The following TNKS variants were observed in gnomAD, a reference collection of about 807,000 sequenced individuals.
TNKS encodes poly [ADP-ribose] polymerase tankyrase-1.
Under a neutral mutation model 135.8 loss-of-function variants are expected in TNKS, and 72 were observed. That is an observed-to-expected ratio of 0.53 (90% CI 0.44 to 0.64). TNKS has a LOEUF of 0.64. Among genes scored for constraint, TNKS ranks in the 30% least tolerant of loss-of-function variants. The pLI is 0.00. For missense variants in TNKS, 1,769 were observed against 1,674.0 expected (o/e 1.06, Z -0.99); for synonymous variants, 849 against 649.3 (o/e 1.31, Z -4.68).
chr8:9,645,094 T>C (rs1013319353), intron 3 of TNKS, among the ~76,000 whole-genome samples: 8 of 152,076 alleles, frequency 5.3e-5, no homozygotes, highest in African/African-American at 1.9e-4. Flanking sequence ...TTGCAGAAAG[T>C]TGGATGTCAC....
Position 9,734,957 on chromosome 8 carries a change from A to G in TNKS, c.2406A>G (p.Arg802=), listed in dbSNP as rs2128819380. The G allele has an allele frequency of 6.2e-7, 1 of 1,614,194 alleles. No homozygotes were observed. Among genetic ancestry groups the G allele is most frequent in the Middle Eastern group, 1.6e-4 (1 of 6,062 alleles). Residue 802 remains arginine, a synonymous_variant, in exon 16 of 27, where the codon AGA becomes AGG. Coordinates refer to ENST00000310430, the MANE Select transcript of TNKS (RefSeq NM_003747.3). ...EGDTDIQDLL[R]GDAALLDAAK... is the part of the protein sequence containing the mutation. ...ACACAGATATTCAGGACTTACTGAG[A>G]GGGGATGCTGCTTTGTTGGATGCTG...
At chr8:9,583,506 T>C (rs185017701) in intron 2 of TNKS, among the ~76,000 whole-genome samples, 1 of 152,088 alleles carries the variant, frequency 6.6e-6, no homozygotes, top group Non-Finnish European at 1.5e-5. Flanking sequence ...TTTTCCTTTT[T>C]TGAGACAGAG....
chr8:9,677,932 C>T (rs1464641851), intron 3 of TNKS, among the ~76,000 whole-genome samples: 7 of 152,102 alleles, frequency 4.6e-5, no homozygotes, highest in Middle Eastern at 3.2e-3. Context: ...ATTACTTGTC[C>T]TTCCTTCAAA....
chr8:9,740,447 C>A (rs144619212), intron 17 of TNKS, among the ~76,000 whole-genome samples: 2 of 152,166 alleles, frequency 1.3e-5, no homozygotes, highest in African/African-American at 4.8e-5. Flanking sequence ...CTCCCTGGCC[C>A]TTTGTAATGA....
intron 1 of TNKS, among the ~76,000 whole-genome samples, chr8:9,572,554 C>G (rs1042499650): frequency 2.6e-5 from 4 of 152,084 alleles, no homozygotes; most frequent in African/African-American, 9.7e-5. Flanking sequence ...TTCCTAGTTT[C>G]GGGACTATCA....
chr8:9,647,270 AT>A (rs1490391638), intron 3 of TNKS, among the ~76,000 whole-genome samples: 1 of 152,124 alleles, frequency 6.6e-6, no homozygotes, highest in African/African-American at 2.4e-5. Flanking sequence ...TCTATTTGGT[AT>A]CTGTTTGGTC....
intron 3 of TNKS, among the ~76,000 whole-genome samples, chr8:9,674,181 A>G (rs965002558): frequency 2.0e-5 from 3 of 152,218 alleles, no homozygotes; most frequent in African/African-American, 7.2e-5. Context: ...AGAATCAAAT[A>G]CAGGATGGAA....
chr8:9,766,189 G>C, intron 24 of TNKS, 50 bp from the exon 25 acceptor site: 1 of 1,499,660 alleles, frequency 6.7e-7, no homozygotes, highest in Admixed American at 1.8e-5. Context: ...AGGTAATTGA[G>C]CTTCTAGAAA....
In TNKS at chr8:9,733,268, C is replaced by A; in HGVS notation, c.2148-11C>A. The A allele has an allele frequency of 6.5e-7, 1 of 1,546,602 alleles. No homozygotes were observed. Among genetic ancestry groups the A allele is most frequent in the Non-Finnish European group, 8.7e-7 (1 of 1,155,034 alleles). On this transcript the variant is annotated splice_polypyrimidine_tract_variant and intron_variant, in intron 14 of 26. Transcript: ENST00000310430. ...TGTTTTATGACTTTAAAATAACTTT[C>A]TTTTGTTTAGTGGCTTGGTGCCCCT...
rs201402361 is a variant in TNKS, at chr8:9,556,381, T to G, written c.442T>G (p.Ser148Ala). ...SSSSSPSSPG[S>A]SLAESPEAAG... Reference sequence around the variant, plus strand: ...ATCTTCCTCTCCATCCTCCCCTGGATCGAGCTTGGCGGAGAGCCCCGAGGC... The same window carrying G: ...ATCTTCCTCTCCATCCTCCCCTGGAGCGAGCTTGGCGGAGAGCCCCGAGGC... The change falls in exon 1 of 27, where the codon TCG (serine) becomes GCG (alanine). Residue 148 changes from serine to alanine, a missense_variant. Around this residue, in one of 5 missense-constraint regions of TNKS, gnomAD observed 450 missense variants for 304.9 expected, o/e 1.48. Transcript: ENST00000310430. 6.2e-7 allele frequency: 1 copy of G among 1,614,198 alleles called. No homozygotes were observed. The highest frequency in any genetic ancestry group is 2.2e-5 in the East Asian group (1 of 44,872).
chr8:9,621,439 TG>T (rs1462767905), intron 3 of TNKS, among the ~76,000 whole-genome samples: 4 of 152,084 alleles, frequency 2.6e-5, no homozygotes, highest in Non-Finnish European at 4.4e-5. Context: ...CCCAAGTAGC[TG>T]GGATTACAGG....
chr8:9,700,175 C>T (rs376730077), intron 5 of TNKS, among the ~76,000 whole-genome samples: 1 of 152,182 alleles, frequency 6.6e-6, no homozygotes, highest in Admixed American at 6.5e-5. Context: ...TCCACATCCA[C>T]AGCATTTATA....
At chr8:9,622,704 T>G (rs1376010432) in intron 3 of TNKS, among the ~76,000 whole-genome samples, 1 of 152,242 alleles carries the variant, frequency 6.6e-6, no homozygotes, top group Non-Finnish European at 1.5e-5. Context: ...AATATAATGT[T>G]CTTTTTTAGA....
chr8:9,574,613 C>A (rs551422393), intron 1 of TNKS, among the ~76,000 whole-genome samples: 1 of 152,184 alleles, frequency 6.6e-6, no homozygotes. Flanking sequence ...AATCTTCTTA[C>A]CCTTGACTTA....
At chr8:9,773,010 T>C (rs946631232) in intron 26 of TNKS, among the ~76,000 whole-genome samples, 5 of 151,788 alleles carry the variant, frequency 3.3e-5, no homozygotes, top group Admixed American at 6.6e-5. Context: ...TTTTGCAACT[T>C]ACTTGTAAGT....
At chr8:9,733,233 C>G in intron 14 of TNKS, 46 bp from the exon 15 acceptor site, 2 of 1,503,648 alleles carry the variant, frequency 1.3e-6, no homozygotes, top group Non-Finnish European at 1.8e-6. Flanking sequence ...ATCATTGTAA[C>G]TCAAAGGTTT....
intron 1 of TNKS, among the ~76,000 whole-genome samples, chr8:9,575,833 G>A (rs1051253250): frequency 1.3e-5 from 2 of 152,190 alleles, no homozygotes; most frequent in Non-Finnish European, 2.9e-5. Context: ...AACTTCAACT[G>A]ACTTAAAGCC....
Position 9,782,299 on chromosome 8 carries a change from C to G in TNKS, c.*5563C>G, listed in dbSNP as rs551391233. ...TTGTGCTTTGGCTTAATGTCTAGCT[C>G]ACTGTACTTGTAAATGATTAATATT... On this transcript the variant is annotated 3_prime_UTR_variant, in exon 27 of 27. Coordinates refer to ENST00000310430, the MANE Select transcript of TNKS (RefSeq NM_003747.3). 1 of 152,654 alleles carries G rather than the reference C, an allele frequency of 6.6e-6. No individual in the cohort carries two copies. The allele number at this position is 152,654 out of a possible 1,614,324, so 9.5% of individuals were successfully genotyped here.
intron 20 of TNKS, among the ~76,000 whole-genome samples, chr8:9,756,667 T>G (rs1396387541): frequency 3.9e-5 from 6 of 152,220 alleles, no homozygotes; most frequent in Non-Finnish European, 7.3e-5. Context: ...CAGATATTTC[T>G]ATTTCTTTTG....
Sources: gnomAD v4.1 joint callset for allele counts (sites outside exome capture counted in the v4.1 genomes callset) on GRCh38, gnomAD v4.1.1 for gene constraint, gnomAD v4.1.1 regional missense constraint, MANE v1.5 for transcripts, NCBI Gene and HGNC (gene_info 2026-07-23, HGNC 2026-07-21) for gene names.